Variants in SGCD observed in about 807,000 individuals in gnomAD.
The protein encoded by SGCD is sarcoglycan delta, also known as delta-sarcoglycan.
A neutral mutation model predicts 36.6 loss-of-function variants in SGCD; 18 were observed. The ratio of observed to expected loss-of-function variants is 0.49; its 90% CI spans 0.34 to 0.73. The LOEUF (loss-of-function observed/expected upper bound fraction) is 0.73, where lower values mean the gene tolerates loss of function less well. Ranked by LOEUF, SGCD falls within the 30% of genes least tolerant of loss-of-function variation. The pLI is 0.01. For missense variants in SGCD, 387 were observed against 346.7 expected, an observed-to-expected ratio of 1.12 and a Z score of -0.92; for synonymous variants, 133 against 130.6, an observed-to-expected ratio of 1.02 and a Z score of -0.12.
At chr5:155,864,979 T>C in the SGCD span, among the ~76,000 whole-genome samples, 1 of 152,118 alleles carries the variant, frequency 6.6e-6, no homozygotes, top group African/African-American at 2.4e-5. Context: ...TCAAAACAAC[T>C]CTGTAACAAC....
intron 3 of SGCD, among the ~76,000 whole-genome samples, chr5:156,463,183 G>A (rs934913555): frequency 1.3e-5 from 2 of 151,968 alleles, no homozygotes; most frequent in East Asian, 1.9e-4. Context: ...TCACACTGTC[G>A]CCCAGGCCAC....
rs562589430 is a variant in SGCD at position 156,077,089 on chromosome 5, C to T, written c.-281-40789C>T. ...TCCATCTCCTCCCTCATTTCTTTTA[C>T]GTTTTTCTGGATCGTCACGTGACTG... On this transcript the variant is annotated intron_variant, in intron 1 of 9. Coordinates refer to the SGCD transcript ENST00000517913. Among the ~76,000 whole-genome samples the T allele has an allele frequency of 2.0e-3, 306 of 152,218 alleles. 1 individual carries two copies. The highest frequency in any genetic ancestry group is 6.8e-3 in the African/African-American group (284 of 41,546).
At chr5:156,614,389 A>G (rs879344455) in intron 6 of SGCD, among the ~76,000 whole-genome samples, 3 of 152,024 alleles carry the variant, frequency 2.0e-5, no homozygotes, top group Non-Finnish European at 4.4e-5. Context: ...CTATCAGTGG[A>G]CTCTTTTCCG....
intron 1 of SGCD, among the ~76,000 whole-genome samples, chr5:156,008,906 A>G (rs1157703420): frequency 6.6e-6 from 1 of 152,218 alleles, no homozygotes; most frequent in Non-Finnish European, 1.5e-5. Context: ...AATCTTCAGC[A>G]CATGTTCAGT....
chr5:156,335,636 C>T (rs1177076541), intron 2 of SGCD, among the ~76,000 whole-genome samples: 1 of 152,170 alleles, frequency 6.6e-6, no homozygotes, highest in African/African-American at 2.4e-5. Flanking sequence ...CTTCCCCTAT[C>T]ATTCCCCTGC....
In SGCD at chr5:156,094,331, C is replaced by T. The variant is rs752646368; in HGVS notation, c.-281-23547C>T. Among the ~76,000 whole-genome samples the T allele has an allele frequency of 3.9e-5, 6 of 152,142 alleles. No individual in the cohort carries two copies. The South Asian group carries it at 6.2e-4, about 16-fold the overall frequency. On this transcript the variant is annotated intron_variant, in intron 1 of 9. Coordinates refer to the SGCD transcript ENST00000517913. ...TCAGGGCATTTTAAAAGGGTGAGATCTTCCTCATCTTTTTCTTTCTGGATA... is the reference window on the plus strand; with the variant it reads ...TCAGGGCATTTTAAAAGGGTGAGATTTTCCTCATCTTTTTCTTTCTGGATA...
chr5:156,193,991 C>T (rs542236997), intron 3 of SGCD, among the ~76,000 whole-genome samples: 1 of 152,220 alleles, frequency 6.6e-6, no homozygotes, highest in African/African-American at 2.4e-5. Context: ...TGATGTCATA[C>T]ATAATAAAGA....
intron 3 of SGCD, among the ~76,000 whole-genome samples, chr5:156,388,732 C>A (rs1247953658): frequency 6.6e-6 from 1 of 152,162 alleles, no homozygotes; most frequent in Non-Finnish European, 1.5e-5. Flanking sequence ...AAATTTCCTC[C>A]CACTTTTTCT....
chr5:156,135,823 TC>T (rs1195149145), intron 3 of SGCD, among the ~76,000 whole-genome samples: 3 of 152,286 alleles, frequency 2.0e-5, no homozygotes, highest in Middle Eastern at 6.8e-3. Context: ...ATACACTTAC[TC>T]CTTTAAGAGA....
At chr5:156,564,521 A>C (rs1182594527) in intron 4 of SGCD, among the ~76,000 whole-genome samples, 1 of 152,178 alleles carries the variant, frequency 6.6e-6, no homozygotes, top group East Asian at 1.9e-4. Flanking sequence ...GAATCATCTT[A>C]ACCATTTTTA....
chr5:155,884,161 T>C (rs1263771481), intron 1 of SGCD, among the ~76,000 whole-genome samples: 2 of 152,206 alleles, frequency 1.3e-5, no homozygotes, highest in Non-Finnish European at 2.9e-5. Context: ...CACCTAACGA[T>C]GATGAATCCT....
At chr5:156,097,449 C>T (rs1442658763) in intron 1 of SGCD, among the ~76,000 whole-genome samples, 3 of 152,040 alleles carry the variant, frequency 2.0e-5, no homozygotes, top group Non-Finnish European at 4.4e-5. Context: ...TGGGTGAATT[C>T]TATTATTCAG....
At chr5:155,977,429 C>CAAAAAAA (rs1758139876) in intron 1 of SGCD, among the ~76,000 whole-genome samples, 1 of 152,062 alleles carries the variant, frequency 6.6e-6, no homozygotes, top group African/African-American at 2.4e-5. Context: ...TAATACTGGC[C>CAAAAAAA]CTAGGTCTTT....
At chr5:156,506,108 C>A (rs780534148) in intron 3 of SGCD, among the ~76,000 whole-genome samples, 7 of 152,112 alleles carry the variant, frequency 4.6e-5, no homozygotes, top group African/African-American at 1.7e-4. Context: ...TAAAAACTAA[C>A]AAATTTTACA....
the SGCD span, among the ~76,000 whole-genome samples, chr5:155,752,398 C>G: frequency 7.3e-6 from 1 of 136,324 alleles, no homozygotes; most frequent in Non-Finnish European, 1.7e-5. Flanking sequence ...TCTGCTTTTC[C>G]TATGATTTCT....
chr5:156,314,977 T>C (rs1767477015), intron 3 of SGCD, among the ~76,000 whole-genome samples: 1 of 152,048 alleles, frequency 6.6e-6, no homozygotes, highest in Non-Finnish European at 1.5e-5. Flanking sequence ...ATTTGATGTA[T>C]GTATATGTTG....
the SGCD span, among the ~76,000 whole-genome samples, chr5:155,837,687 G>A: frequency 6.6e-6 from 1 of 152,132 alleles, no homozygotes; most frequent in Non-Finnish European, 1.5e-5. Context: ...GAAATGTCTA[G>A]AAAGCCTATT....
At chr5:155,795,187 C>G in the SGCD span, among the ~76,000 whole-genome samples, 1 of 151,952 alleles carries the variant, frequency 6.6e-6, no homozygotes, top group Admixed American at 6.6e-5. Flanking sequence ...TAAGTTCTTC[C>G]TCAAGGAGAA....
At chr5:156,385,498 G>C (rs1771228394) in intron 3 of SGCD, among the ~76,000 whole-genome samples, 2 of 152,206 alleles carry the variant, frequency 1.3e-5, no homozygotes, top group South Asian at 4.1e-4. Flanking sequence ...GAGAAGATTT[G>C]TTTAAATTCA....
Sources: gnomAD v4.1 joint callset for allele counts (sites outside exome capture counted in the v4.1 genomes callset) on GRCh38, gnomAD v4.1.1 for gene constraint, MANE v1.5 for transcripts, NCBI Gene and HGNC (gene_info 2026-07-23, HGNC 2026-07-21) for gene names.